LRRTM3: variants seen among roughly 807,000 people sequenced by gnomAD.
LRRTM3 encodes leucine-rich repeat transmembrane neuronal protein 3.
LRRTM3 carries 24 observed loss-of-function variants against 44.7 expected under a neutral mutation model. That is an observed-to-expected ratio of 0.54 (90% confidence interval 0.39 to 0.76). LRRTM3 has a LOEUF of 0.76. LRRTM3 is among the 30% of genes least tolerant of loss of function. The pLI, the probability that LRRTM3 is intolerant of heterozygous loss-of-function variation, is 0.00. For synonymous variants in LRRTM3, 277 were observed against 278.7 expected (o/e 0.99, Z 0.06); for missense variants, 587 against 702.2 (o/e 0.84, Z 1.85).
intron 2 of LRRTM3, among the ~76,000 whole-genome samples, chr10:67,023,435 G>A (rs1853151198): frequency 6.6e-6 from 1 of 152,166 alleles, no homozygotes; most frequent in South Asian, 2.1e-4. Flanking sequence ...CAATCCACCA[G>A]GCTTATCCAT....
chr10:67,096,153 G>A (rs550736165), intron 2 of LRRTM3, among the ~76,000 whole-genome samples: 25 of 151,774 alleles, frequency 1.6e-4, no homozygotes, highest in South Asian at 4.2e-4. Context: ...TTTATATGCC[G>A]AAATATTCAT....
chr10:66,931,192 TAA>T lies in LRRTM3; in HGVS notation c.1536+2758_1536+2759del, dbSNP rs3056552. Among the ~76,000 whole-genome samples, 494 of 118,666 alleles carry T rather than the reference TAA, an allele frequency of 4.2e-3. 4 individuals are homozygous for T. Among genetic ancestry groups the T allele is most frequent in the African/African-American group, 0.013 (411 of 31,160 alleles). The allele number at this position is 118,666 out of a possible 152,430, so 77.8% of individuals were successfully genotyped here. A position where few individuals can be genotyped will look rare whatever the true frequency, so the allele number is the denominator to read the frequency against. On this transcript the variant is annotated intron_variant, in intron 2 of 2. Coordinates refer to ENST00000361320, the MANE Select transcript of LRRTM3 (RefSeq NM_178011.5). Reference sequence around the variant, plus strand: ...GACTTCCCTCAAAGGTGACAACAGTTAAAAAAAAAAAAAAAAAAAGCCTGACC... The same window carrying T: ...GACTTCCCTCAAAGGTGACAACAGTTAAAAAAAAAAAAAAAAAGCCTGACC...
chr10:66,952,262 G>A (rs942783), intron 2 of LRRTM3, among the ~76,000 whole-genome samples: 147,010 of 152,246 alleles, frequency 0.97, 71,192 homozygotes, highest in East Asian at 1. Context: ...GCAGGGGACA[G>A]AGCTTCCCAG....
chr10:66,977,085 G>A (rs902858277), intron 2 of LRRTM3, among the ~76,000 whole-genome samples: 5 of 152,110 alleles, frequency 3.3e-5, no homozygotes, highest in African/African-American at 1.2e-4. Flanking sequence ...TAAATCAATG[G>A]GAAAATAGAT....
At chr10:67,031,219 A>G (rs1341056307) in intron 2 of LRRTM3, among the ~76,000 whole-genome samples, 1 of 152,224 alleles carries the variant, frequency 6.6e-6, no homozygotes, top group African/African-American at 2.4e-5. Context: ...GTCTATATAT[A>G]ACAATACATT....
At chr10:67,069,692 C>A (rs1856328497) in intron 2 of LRRTM3, among the ~76,000 whole-genome samples, 2 of 151,874 alleles carry the variant, frequency 1.3e-5, no homozygotes, top group South Asian at 4.2e-4. Flanking sequence ...TCTGTTGTGT[C>A]TGAATGTTGT....
At chr10:67,086,803 T>A (rs1307292903) in intron 2 of LRRTM3, among the ~76,000 whole-genome samples, 1 of 152,018 alleles carries the variant, frequency 6.6e-6, no homozygotes, top group African/African-American at 2.4e-5. Flanking sequence ...AACACTAGTA[T>A]CTGTTATGTT....
intron 2 of LRRTM3, among the ~76,000 whole-genome samples, chr10:67,047,654 GAAAT>G (rs1854837897): frequency 6.6e-6 from 1 of 151,838 alleles, no homozygotes; most frequent in African/African-American, 2.4e-5. Context: ...ATATATTTAT[GAAAT>G]AAATTCACAT....
At chr10:67,033,360 T>C (rs1288439837) in intron 2 of LRRTM3, among the ~76,000 whole-genome samples, 1 of 152,192 alleles carries the variant, frequency 6.6e-6, no homozygotes, top group African/African-American at 2.4e-5. Flanking sequence ...AGCACAGTTA[T>C]GCAACACAAA....
intron 2 of LRRTM3, among the ~76,000 whole-genome samples, chr10:67,053,833 C>T (rs182355212): frequency 1.1e-3 from 173 of 152,182 alleles, no homozygotes; most frequent in South Asian, 5.8e-3. Flanking sequence ...AAACAAAATC[C>T]GAGGACCACA....
At chr10:66,945,878 C>T (rs944076106) in intron 2 of LRRTM3, among the ~76,000 whole-genome samples, 3 of 151,984 alleles carry the variant, frequency 2.0e-5, no homozygotes, top group South Asian at 2.1e-4. Flanking sequence ...GTCAGTGAAG[C>T]GGTCAGGACA....
At chr10:67,079,858 AACACACACACACACACACACACACACAC>A (rs199928311) in intron 2 of LRRTM3, among the ~76,000 whole-genome samples, 6 of 141,266 alleles carry the variant, frequency 4.2e-5, no homozygotes, top group South Asian at 4.7e-4. Context: ...AAAAAAACAA[AACACACACACACACACACACACACACAC>A]ACACACACAC....
At chr10:67,074,021 A>G (rs1160036363) in intron 2 of LRRTM3, among the ~76,000 whole-genome samples, 5 of 148,528 alleles carry the variant, frequency 3.4e-5, no homozygotes, top group Non-Finnish European at 7.4e-5. Context: ...AATGCCAAGT[A>G]GCCATTTTAA....
intron 2 of LRRTM3, among the ~76,000 whole-genome samples, chr10:67,013,664 A>G (rs1852478392): frequency 6.6e-6 from 1 of 152,164 alleles, no homozygotes; most frequent in African/African-American, 2.4e-5. Flanking sequence ...ATACAGTTAA[A>G]TCTGAGGAAT....
At chr10:67,082,745 A>G (rs1290773877) in intron 2 of LRRTM3, among the ~76,000 whole-genome samples, 2 of 152,188 alleles carry the variant, frequency 1.3e-5, no homozygotes, top group African/African-American at 4.8e-5. Context: ...ACATCAGCAT[A>G]GAGAAGAGGA....
intron 2 of LRRTM3, among the ~76,000 whole-genome samples, chr10:67,072,436 A>G (rs1388122146): frequency 1.3e-5 from 2 of 152,154 alleles, no homozygotes; most frequent in East Asian, 3.9e-4. Flanking sequence ...TTGTATGTCT[A>G]CGTACTCTTT....
chr10:67,034,299 T>C (rs974465104), intron 2 of LRRTM3, among the ~76,000 whole-genome samples: 2 of 152,188 alleles, frequency 1.3e-5, no homozygotes, highest in African/African-American at 2.4e-5. Flanking sequence ...CAATCATTTA[T>C]TCAGTCATTC....
chr10:67,016,297 T>C (rs1852654495), intron 2 of LRRTM3, among the ~76,000 whole-genome samples: 1 of 152,220 alleles, frequency 6.6e-6, no homozygotes, highest in Non-Finnish European at 1.5e-5. Flanking sequence ...AGCCACTATT[T>C]CAGCTTACGA....
chr10:66,978,960 C>CTTTTTTTTTTTT (rs34112681), intron 2 of LRRTM3, among the ~76,000 whole-genome samples: 1 of 83,782 alleles, frequency 1.2e-5, no homozygotes, highest in Non-Finnish European at 2.2e-5. Context: ...TACTTATTTC[C>CTTTTTTTTTTTT]TTTTTTTTTT....
Sources: allele counts gnomAD v4.1 joint callset (sites outside exome capture counted in the v4.1 genomes callset), GRCh38; gene constraint gnomAD v4.1.1; transcripts MANE v1.5; gene names NCBI Gene and HGNC (gene_info 2026-07-23, HGNC 2026-07-21).